Variants in GALNT13 observed in about 807,000 individuals in gnomAD.
GALNT13 encodes the protein UDP-GalNAc:polypeptide N-acetylgalactosaminyltransferase 13.
In GALNT13, 28 loss-of-function variants were observed where a neutral mutation model predicts 64.2. That is an observed-to-expected ratio of 0.44 (90% CI 0.32 to 0.60). GALNT13 has a LOEUF of 0.60. Ranked by LOEUF, GALNT13 falls within the 20% of genes least tolerant of loss-of-function variation. The probability of loss-of-function intolerance (pLI) is 0.05; values close to 1 mark genes in which losing one functional copy is unlikely to be tolerated. For synonymous variants in GALNT13, 214 were observed against 224.6 expected (o/e 0.95, Z 0.42); for missense variants, 577 against 669.8 (o/e 0.86, Z 1.53).
chr2:153,478,304 T>C, the GALNT13 span: 1 of 1,614,062 alleles, frequency 6.2e-7, no homozygotes, highest in South Asian at 1.1e-5. Flanking sequence ...AGGAAGTTGA[T>C]CATGCCCTCG....
chr2:153,475,292 G>A, the GALNT13 span, among the ~76,000 whole-genome samples: 2 of 152,214 alleles, frequency 1.3e-5, no homozygotes, highest in African/African-American at 4.8e-5. Context: ...ATTGCAGACT[G>A]TGCATTTCCC....
chr2:154,374,341 C>T (rs799783), intron 9 of GALNT13, among the ~76,000 whole-genome samples: 150,979 of 152,286 alleles, frequency 0.99, 74,859 homozygotes, highest in Middle Eastern at 1. Flanking sequence ...TAATTAAGCA[C>T]TATTGCCTTT....
chr2:154,408,964 C>T lies in GALNT13; in HGVS notation c.1297-20C>T, dbSNP rs573101713. The T allele has an allele frequency of 6.8e-7, 1 of 1,469,818 alleles. No individual in the cohort carries two copies. The highest frequency in any genetic ancestry group is 9.5e-7 in the Non-Finnish European group (1 of 1,050,828). 91.0% of individuals were successfully genotyped at this position (1,469,818 alleles called of 1,614,324 possible). A position where few individuals can be genotyped will look rare whatever the true frequency, so the allele number is the denominator to read the frequency against. On this transcript the variant is annotated intron_variant, in intron 10 of 12. Transcript: ENST00000392825. The stretch of plus-strand genomic sequence containing the variant: ...GTCTGATTTATGTTTTATCCCCCCC[C>T]TTTTGTGTGTTTCCTTTAGATAAGA...
At chr2:154,300,334 C>T (rs967954428) in intron 8 of GALNT13, among the ~76,000 whole-genome samples, 1 of 151,686 alleles carries the variant, frequency 6.6e-6, no homozygotes, top group African/African-American at 2.4e-5. Context: ...AACTCCTGAC[C>T]TCACATGATC....
chr2:153,267,592 C>G, the GALNT13 span, among the ~76,000 whole-genome samples: 2 of 152,174 alleles, frequency 1.3e-5, no homozygotes, highest in Non-Finnish European at 1.5e-5. Context: ...GGCACCAAGT[C>G]CTGAGGCTGC....
At chr2:153,344,410 G>T in the GALNT13 span, among the ~76,000 whole-genome samples, 1 of 152,176 alleles carries the variant, frequency 6.6e-6, no homozygotes, top group African/African-American at 2.4e-5. Flanking sequence ...GTTTATGTTT[G>T]TCTAATGTTT....
At chr2:153,677,398 A>G in the GALNT13 span, among the ~76,000 whole-genome samples, 1 of 151,920 alleles carries the variant, frequency 6.6e-6, no homozygotes, top group African/African-American at 2.4e-5. Context: ...TGCTTAAATA[A>G]ATCAGAAATG....
intron 3 of GALNT13, among the ~76,000 whole-genome samples, chr2:153,977,673 C>A (rs917782941): frequency 4.6e-5 from 7 of 151,954 alleles, no homozygotes; most frequent in Non-Finnish European, 1.0e-4. Context: ...AAACCAGCAT[C>A]ATCATCATTA....
At chr2:153,487,484 C>T in the GALNT13 span, among the ~76,000 whole-genome samples, 1 of 152,210 alleles carries the variant, frequency 6.6e-6, no homozygotes, top group Non-Finnish European at 1.5e-5. Flanking sequence ...TACAGAGCAT[C>T]TTATGTGTAT....
chr2:154,338,696 C>T (rs1452574677), intron 9 of GALNT13, among the ~76,000 whole-genome samples: 3 of 152,006 alleles, frequency 2.0e-5, no homozygotes, highest in South Asian at 4.1e-4. Flanking sequence ...GAATAATTTC[C>T]GTAGGCATAA....
At chr2:154,085,175 C>CGAGAG (rs1379811431) in intron 3 of GALNT13, among the ~76,000 whole-genome samples, 4 of 151,884 alleles carry the variant, frequency 2.6e-5, no homozygotes, top group African/African-American at 9.7e-5. Flanking sequence ...TAAAAACACT[C>CGAGAG]TAATTGAAGA....
chr2:153,905,115 T>A (rs981736648), intron 2 of GALNT13, among the ~76,000 whole-genome samples: 42 of 151,976 alleles, frequency 2.8e-4, no homozygotes, highest in Non-Finnish European at 4.9e-4. Context: ...AAAGGCATGT[T>A]GACTTTGCCT....
At chr2:153,719,555 T>A in the GALNT13 span, among the ~76,000 whole-genome samples, 21,807 of 152,084 alleles carry the variant, frequency 0.14, 2,495 homozygotes, top group African/African-American at 0.31. Context: ...GGTACTGGGT[T>A]CATCTCACTA....
chr2:154,145,301 C>T (rs559009013), intron 4 of GALNT13, among the ~76,000 whole-genome samples: 6 of 151,700 alleles, frequency 4.0e-5, no homozygotes, highest in African/African-American at 9.6e-5. Context: ...TGACTATTAA[C>T]TAATGGCTCA....
chr2:153,558,043 CTATT>C, the GALNT13 span, among the ~76,000 whole-genome samples: 1 of 152,178 alleles, frequency 6.6e-6, no homozygotes, highest in East Asian at 1.9e-4. Flanking sequence ...TTCCTTATCA[CTATT>C]TATAATTAGT....
At chr2:154,310,304 C>T (rs1693964134) in intron 9 of GALNT13, among the ~76,000 whole-genome samples, 1 of 152,082 alleles carries the variant, frequency 6.6e-6, no homozygotes, top group African/African-American at 2.4e-5. Context: ...GCTTACTGAG[C>T]TCAAATCTAT....
intron 4 of GALNT13, among the ~76,000 whole-genome samples, chr2:154,192,828 A>C (rs1351209576): frequency 6.6e-6 from 1 of 152,230 alleles, no homozygotes; most frequent in Non-Finnish European, 1.5e-5. Flanking sequence ...AGCTTGAAAA[A>C]GATGTTAAAA....
At chr2:153,152,114 C>T in the GALNT13 span, among the ~76,000 whole-genome samples, 1 of 151,898 alleles carries the variant, frequency 6.6e-6, no homozygotes, top group African/African-American at 2.4e-5. Flanking sequence ...TATTTGACAC[C>T]TTGCCCTTTG....
At chr2:153,128,575 A>G in the GALNT13 span, among the ~76,000 whole-genome samples, 1 of 152,154 alleles carries the variant, frequency 6.6e-6, no homozygotes. Context: ...AACAATACAA[A>G]GAATATATCC....
Sources: allele counts gnomAD v4.1 joint callset (sites outside exome capture counted in the v4.1 genomes callset), GRCh38; gene constraint gnomAD v4.1.1; transcripts MANE v1.5; gene names NCBI Gene and HGNC (gene_info 2026-07-23, HGNC 2026-07-21).